FHIP1A: variants seen among roughly 807,000 people sequenced by gnomAD.
FHIP1A encodes FHF complex subunit HOOK-interacting protein 1A.
In FHIP1A, 61 loss-of-function variants were observed where a neutral mutation model predicts 88.6. The observed-to-expected ratio is 0.69, with a 90% CI of 0.56 to 0.85. The LOEUF is 0.85. Among genes scored for constraint, FHIP1A ranks in the 40% least tolerant of loss-of-function variants. The probability of loss-of-function intolerance (pLI) is 0.00; values close to 1 mark genes in which losing one functional copy is unlikely to be tolerated. For missense variants in FHIP1A, 1,154 were observed against 1,273.5 expected, an observed-to-expected ratio of 0.91 and a Z score of 1.43; for synonymous variants, 478 against 496.0, an observed-to-expected ratio of 0.96 and a Z score of 0.48.
In FHIP1A at chr4:151,665,541, G is replaced by C. The variant is rs1307738016; in HGVS notation, c.*2787G>C. ...CCATGTGGCTGGGTGAAATAACTGA[G>C]AGTGGGTTATTTAGGGAGTGACGTG... On this transcript the variant is annotated 3_prime_UTR_variant, in exon 14 of 14. Coordinates refer to ENST00000435205, the MANE Select transcript of FHIP1A (RefSeq NM_001109977.3). Among the ~76,000 whole-genome samples, 2 of 152,186 alleles carry C rather than the reference G, an allele frequency of 1.3e-5. No homozygotes were observed. Among genetic ancestry groups the C allele is most frequent in the African/African-American group, 4.8e-5 (2 of 41,436 alleles).
At chr4:151,466,785 A>G (rs982544543) in intron 2 of FHIP1A, among the ~76,000 whole-genome samples, 7 of 152,232 alleles carry the variant, frequency 4.6e-5, no homozygotes, top group African/African-American at 1.7e-4. Context: ...CACATGCAGA[A>G]AACTGAAACT....
intron 1 of FHIP1A, among the ~76,000 whole-genome samples, chr4:151,446,522 A>G (rs1466864914): frequency 6.8e-6 from 1 of 146,628 alleles, no homozygotes; most frequent in African/African-American, 2.5e-5. Context: ...CCAGGAGGAA[A>G]AGGCAGTGCT....
chr4:151,649,491 T>A lies in FHIP1A; in HGVS notation c.1450T>A (p.Ser484Thr). The A allele has an allele frequency of 6.4e-7, 1 of 1,551,414 alleles. No individual in the cohort carries two copies. Among genetic ancestry groups the A allele is most frequent in the South Asian group, 1.2e-5 (1 of 83,980 alleles). The part of the protein sequence containing the change: ...PVERPFPEAF[S>T]ESACIVEYGK... ...GGAGCGGCCATTCCCCGAAGCGTTCTCCGAGTCAGCCTGCATTGTGGAGTA... is the reference window on the plus strand; with the variant it reads ...GGAGCGGCCATTCCCCGAAGCGTTCACCGAGTCAGCCTGCATTGTGGAGTA... The change falls in exon 11 of 14, where the codon TCC becomes ACC. Residue 484 changes from serine (S) to threonine (T), a missense_variant. Transcript: ENST00000435205.
At chr4:151,462,943 T>C (rs566677361) in intron 2 of FHIP1A, among the ~76,000 whole-genome samples, 4 of 152,214 alleles carry the variant, frequency 2.6e-5, no homozygotes, top group Non-Finnish European at 4.4e-5. Context: ...AGTTTTACTA[T>C]TTGTAATTGC....
intron 2 of FHIP1A, among the ~76,000 whole-genome samples, chr4:151,475,784 A>G (rs1729676059): frequency 2.0e-5 from 3 of 152,150 alleles, no homozygotes; most frequent in Admixed American, 2.0e-4. Context: ...AGGGTTCATC[A>G]TCTTATTAAA....
At chr4:151,578,772 A>G (rs781001844) in intron 5 of FHIP1A, among the ~76,000 whole-genome samples, 16 of 152,208 alleles carry the variant, frequency 1.1e-4, no homozygotes, top group Non-Finnish European at 2.1e-4. Context: ...TTGAAAACTT[A>G]TGTCCACCCA....
intron 7 of FHIP1A, among the ~76,000 whole-genome samples, chr4:151,599,684 C>A (rs1423151848): frequency 6.6e-6 from 1 of 152,148 alleles, no homozygotes. Context: ...AGCCTCAGAG[C>A]AAATGTGGAG....
chr4:151,530,646 T>G (rs1731837986), intron 3 of FHIP1A, among the ~76,000 whole-genome samples: 1 of 152,218 alleles, frequency 6.6e-6, no homozygotes, highest in Non-Finnish European at 1.5e-5. Flanking sequence ...GGAAAACGTT[T>G]GCAATTGTCA....
intron 1 of FHIP1A, among the ~76,000 whole-genome samples, chr4:151,411,347 A>ATTTTTTTTT (rs33972159): frequency 7.6e-6 from 1 of 132,162 alleles, no homozygotes; most frequent in Non-Finnish European, 1.5e-5. Context: ...AATTATATAT[A>ATTTTTTTTT]TATTTTTTTT....
At chr4:151,655,094 CT>C (rs1230089211) in intron 11 of FHIP1A, among the ~76,000 whole-genome samples, 4 of 152,172 alleles carry the variant, frequency 2.6e-5, no homozygotes, top group African/African-American at 2.4e-5. Context: ...AAGGAAGCAT[CT>C]TGTGATGAAG....
At chr4:151,511,813 T>C (rs1000180864) in intron 3 of FHIP1A, among the ~76,000 whole-genome samples, 3 of 152,196 alleles carry the variant, frequency 2.0e-5, no homozygotes, top group African/African-American at 2.4e-5. Flanking sequence ...CCACCACAGC[T>C]CAAGGAGGCC....
chr4:151,603,148 TA>T, intron 7 of FHIP1A, among the ~76,000 whole-genome samples: 1 of 152,124 alleles, frequency 6.6e-6, no homozygotes, highest in South Asian at 2.1e-4. Flanking sequence ...TTGTTTCTAC[TA>T]AAAAATACAA....
chr4:151,619,774 G>A (rs1735667310), intron 7 of FHIP1A, among the ~76,000 whole-genome samples: 1 of 152,184 alleles, frequency 6.6e-6, no homozygotes, highest in Admixed American at 6.5e-5. Flanking sequence ...TACTTACAAA[G>A]CATATTTTAT....
At chr4:151,549,274 G>C (rs921716396) in intron 3 of FHIP1A, among the ~76,000 whole-genome samples, 7 of 152,166 alleles carry the variant, frequency 4.6e-5, no homozygotes, top group Middle Eastern at 3.4e-3. Context: ...GAATCAAGTG[G>C]GCAAAGAGAA....
chr4:151,443,115 T>C (rs956681730), intron 1 of FHIP1A, among the ~76,000 whole-genome samples: 1 of 151,788 alleles, frequency 6.6e-6, no homozygotes, highest in Admixed American at 6.6e-5. Context: ...TACAAAAAAT[T>C]GGTATAAAAA....
At chr4:151,584,999 A>G (rs1578783713) in intron 5 of FHIP1A, among the ~76,000 whole-genome samples, 1 of 152,186 alleles carries the variant, frequency 6.6e-6, no homozygotes, top group African/African-American at 2.4e-5. Flanking sequence ...TCTATTATGT[A>G]TTCTGAGCAT....
chr4:151,480,648 A>G (rs1729860027), intron 2 of FHIP1A, among the ~76,000 whole-genome samples: 2 of 152,108 alleles, frequency 1.3e-5, no homozygotes, highest in African/African-American at 4.8e-5. Flanking sequence ...CAGGTGGTTA[A>G]TAAATGATTA....
chr4:151,476,345 T>C (rs1460926160), intron 2 of FHIP1A, among the ~76,000 whole-genome samples: 1 of 151,952 alleles, frequency 6.6e-6, no homozygotes, highest in East Asian at 1.9e-4. Flanking sequence ...GACGAAGTCT[T>C]GCTATGTTGC....
In FHIP1A at chr4:151,451,498, T is replaced by C. The variant is rs77842437; in HGVS notation, c.-355-3203T>C. Among the ~76,000 whole-genome samples, 23 of 152,320 alleles carry C rather than the reference T, an allele frequency of 1.5e-4. No individual in the cohort carries two copies. In the East Asian group the frequency reaches 3.7e-3, roughly 24 times the overall value. ...AAGATAGAATCTAATGAATTATCTGTGCTTCCTGGCCTTTGGGTCTTTGCT... is the reference window on the plus strand; with the variant it reads ...AAGATAGAATCTAATGAATTATCTGCGCTTCCTGGCCTTTGGGTCTTTGCT... On this transcript the variant is annotated intron_variant, in intron 1 of 13. Coordinates refer to ENST00000435205, the MANE Select transcript of FHIP1A (RefSeq NM_001109977.3).
Sources: allele counts gnomAD v4.1 joint callset (sites outside exome capture counted in the v4.1 genomes callset), GRCh38; gene constraint gnomAD v4.1.1; transcripts MANE v1.5; gene names NCBI Gene and HGNC (gene_info 2026-07-23, HGNC 2026-07-21).